The following KREMEN1 variants were observed in gnomAD, a reference collection of about 807,000 sequenced individuals.
KREMEN1 encodes kringle containing transmembrane protein 1.
A neutral mutation model predicts 46.5 loss-of-function variants in KREMEN1; 30 were observed. The ratio of observed to expected loss-of-function variants is 0.65; its 90% CI spans 0.48 to 0.88. The LOEUF (loss-of-function observed/expected upper bound fraction) is 0.88. Ranked by LOEUF, KREMEN1 falls within the 40% of genes least tolerant of loss-of-function variation. The pLI is 0.00. For missense variants in KREMEN1, 533 were observed against 596.9 expected, an observed-to-expected ratio of 0.89 and a Z score of 1.11; for synonymous variants, 214 against 230.6, an observed-to-expected ratio of 0.93 and a Z score of 0.65.
chr22:29,079,091 TTGTC>T (rs528174688), intron 1 of KREMEN1, among the ~76,000 whole-genome samples: 272 of 152,334 alleles, frequency 1.8e-3, no homozygotes, highest in Non-Finnish European at 3.3e-3. Context: ...TTCTGAGACT[TTGTC>T]TGTATTCAGA....
chr22:29,081,234 C>G (rs899567571), intron 1 of KREMEN1, among the ~76,000 whole-genome samples: 1 of 152,006 alleles, frequency 6.6e-6, no homozygotes, highest in Non-Finnish European at 1.5e-5. Context: ...TCTTCATTAT[C>G]CACATCTAAC....
At chr22:29,153,815 T>C (rs999325251) in intron 9 of KREMEN1, among the ~76,000 whole-genome samples, 5 of 152,038 alleles carry the variant, frequency 3.3e-5, no homozygotes, top group African/African-American at 1.2e-4. Context: ...ACCCCGTCTC[T>C]ACTAAAGATA....
At chr22:29,139,422 G>C (rs2038724028) in intron 7 of KREMEN1, among the ~76,000 whole-genome samples, 1 of 152,026 alleles carries the variant, frequency 6.6e-6, no homozygotes. Flanking sequence ...AGCAACATAG[G>C]GAGACCCTTT....
At chr22:29,136,264 C>G (rs963379382) in intron 5 of KREMEN1, among the ~76,000 whole-genome samples, 2 of 151,584 alleles carry the variant, frequency 1.3e-5, no homozygotes, top group Middle Eastern at 3.4e-3. Flanking sequence ...AGAACTCCCC[C>G]AAAGCCTGCT....
At chr22:29,105,788 A>G (rs1051308380) in intron 3 of KREMEN1, among the ~76,000 whole-genome samples, 1 of 152,192 alleles carries the variant, frequency 6.6e-6, no homozygotes, top group Non-Finnish European at 1.5e-5. Flanking sequence ...TAGTGATTGT[A>G]TCATTCACAC....
intron 1 of KREMEN1, among the ~76,000 whole-genome samples, chr22:29,083,209 A>T (rs1211064010): frequency 6.6e-6 from 1 of 152,224 alleles, no homozygotes; most frequent in Non-Finnish European, 1.5e-5. Flanking sequence ...ATTTGTGCTC[A>T]CATATTACAT....
chr22:29,088,929 C>T (rs2037769146), intron 1 of KREMEN1, among the ~76,000 whole-genome samples: 1 of 152,110 alleles, frequency 6.6e-6, no homozygotes. Context: ...TACTCTACCA[C>T]ATTGTTGCTA....
At chr22:29,074,041 C>T (rs1195171465) in intron 1 of KREMEN1, among the ~76,000 whole-genome samples, 2 of 152,248 alleles carry the variant, frequency 1.3e-5, no homozygotes, top group Non-Finnish European at 2.9e-5. Flanking sequence ...CCCGGCGCCT[C>T]CCCGCGCAGA....
At chr22:29,140,931 A>G (rs2038750471) in intron 8 of KREMEN1, among the ~76,000 whole-genome samples, 1 of 152,148 alleles carries the variant, frequency 6.6e-6, no homozygotes, top group Non-Finnish European at 1.5e-5. Context: ...TCATGCTACT[A>G]ATGTTTGTGT....
Position 29,145,885 on chromosome 22 carries a change from C to T in KREMEN1, c.*3773C>T, listed in dbSNP as rs1478631126. The T allele has an allele frequency of 1.8e-5, 18 of 985,630 alleles. No homozygotes were observed. Among genetic ancestry groups the T allele is most frequent in the Non-Finnish European group, 2.2e-5 (18 of 829,982 alleles). The allele number at this position is 985,630 out of a possible 1,614,324, so 61.1% of individuals were successfully genotyped here. A position where few individuals can be genotyped will look rare whatever the true frequency, so the allele number is the denominator to read the frequency against. The stretch of plus-strand genomic sequence containing the variant: ...CCCTCGGGTAGAACCCACGGGCGTG[C>T]CTGGGTGCGGCTCCACCCACATGCC... On this transcript the variant is annotated 3_prime_UTR_variant, in exon 9 of 9. Coordinates refer to ENST00000400335, the MANE Select transcript of KREMEN1 (RefSeq NM_001039570.3).
intron 3 of KREMEN1, among the ~76,000 whole-genome samples, chr22:29,112,923 C>G (rs888656464): frequency 7.2e-6 from 1 of 138,388 alleles, no homozygotes. Context: ...GACTAGACTT[C>G]GAGCCACACT....
chr22:29,073,048 G>C lies in KREMEN1; in HGVS notation c.-83G>C, dbSNP rs1488574611. The C allele has an allele frequency of 7.9e-6, 2 of 251,770 alleles. No homozygotes were observed. The highest frequency in any genetic ancestry group is 1.2e-5 in the Non-Finnish European group (2 of 160,736). 15.6% of individuals were successfully genotyped at this position (251,770 alleles called of 1,614,324 possible). ...GGGCGGGGCTACACTCGGGCCCCGC[G>C]TCCTGCTCCCATGGCCGCCCCCGGC... On this transcript the variant is annotated 5_prime_UTR_variant, in exon 1 of 9. Coordinates refer to ENST00000400335, the MANE Select transcript of KREMEN1 (RefSeq NM_001039570.3). This position sits in a 1 kb window ranked among gnomAD's most constrained non-coding sequence, Gnocchi z 4.4.
At chr22:29,137,064 C>A (rs952100477) in intron 5 of KREMEN1, among the ~76,000 whole-genome samples, 4 of 152,216 alleles carry the variant, frequency 2.6e-5, no homozygotes, top group African/African-American at 9.6e-5. Flanking sequence ...CTTGGCCCTG[C>A]CAGTCCCAAG....
At chr22:29,084,625 C>T (rs924431878) in intron 1 of KREMEN1, among the ~76,000 whole-genome samples, 1 of 152,202 alleles carries the variant, frequency 6.6e-6, no homozygotes, top group Non-Finnish European at 1.5e-5. Context: ...TGGACCTTCT[C>T]TGCCTTGATA....
At chr22:29,080,004 G>A (rs866971856) in intron 1 of KREMEN1, among the ~76,000 whole-genome samples, 1 of 152,148 alleles carries the variant, frequency 6.6e-6, no homozygotes, top group African/African-American at 2.4e-5. Flanking sequence ...ATGTTCTTCC[G>A]AAGACCCTTC....
intron 5 of KREMEN1, among the ~76,000 whole-genome samples, chr22:29,136,910 C>T (rs556592288): frequency 1.3e-5 from 2 of 152,296 alleles, no homozygotes; most frequent in African/African-American, 2.4e-5. Context: ...GGGTGGCTTC[C>T]CTGCAGAGTG....
At position 29,145,962 on chromosome 22, in the gene KREMEN1, C is replaced by T. The variant is rs545828850; in HGVS notation, c.*3850C>T. On this transcript the variant is annotated 3_prime_UTR_variant, in exon 9 of 9. Transcript: ENST00000400335. ...CCTGGCCGGGCTCAGGATCTGCCTG[C>T]AGCCCAGCCAGGCCATCACCCAGCC... The T allele has an allele frequency of 1.9e-5, 19 of 986,028 alleles. No homozygotes were observed. The highest frequency in any genetic ancestry group is 2.3e-5 in the Non-Finnish European group (19 of 830,076). 61.1% of individuals were successfully genotyped at this position (986,028 alleles called of 1,614,324 possible). A position where few individuals can be genotyped will look rare whatever the true frequency, so the allele number is the denominator to read the frequency against.
intron 5 of KREMEN1, among the ~76,000 whole-genome samples, chr22:29,136,467 G>A (rs549817454): frequency 5.2e-4 from 79 of 151,786 alleles, no homozygotes; most frequent in South Asian, 8.3e-4. Flanking sequence ...CCAGCTACTC[G>A]GAAGGCTGAG....
chr22:29,079,499 C>G (rs983428511), intron 1 of KREMEN1, among the ~76,000 whole-genome samples: 9 of 152,208 alleles, frequency 5.9e-5, no homozygotes, highest in African/African-American at 2.2e-4. Context: ...GCCACAAGGG[C>G]GGGGCCCTGC....
Sources: allele counts gnomAD v4.1 joint callset (sites outside exome capture counted in the v4.1 genomes callset), GRCh38; gene constraint gnomAD v4.1.1; non-coding constraint Gnocchi (gnomAD v3.1); transcripts MANE v1.5; gene names NCBI Gene and HGNC (gene_info 2026-07-23, HGNC 2026-07-21).